Variants in ELK3 observed in about 807,000 individuals in gnomAD.
The protein encoded by ELK3 is ETS transcription factor ELK3, also known as ETS domain-containing protein Elk-3.
A neutral mutation model predicts 28.9 loss-of-function variants in ELK3; 10 were observed. The observed-to-expected ratio is 0.35, with a 90% CI of 0.21 to 0.59. The LOEUF (loss-of-function observed/expected upper bound fraction) is 0.59, where lower values mean the gene tolerates loss of function less well. ELK3 is among the 20% of genes least tolerant of loss of function. ELK3 has a pLI of 0.82. For missense variants in ELK3, 463 were observed against 517.3 expected (o/e 0.90, Z 1.02); for synonymous variants, 272 against 243.5 (o/e 1.12, Z -1.09).
At chr12:96,243,712 C>T (rs564357789) in intron 2 of ELK3, among the ~76,000 whole-genome samples, 2 of 152,012 alleles carry the variant, frequency 1.3e-5, no homozygotes, top group African/African-American at 2.4e-5. Context: ...GGCATGGTGG[C>T]GGGCGCCTGT....
intron 1 of ELK3, among the ~76,000 whole-genome samples, chr12:96,209,103 T>A (rs907230220): frequency 8.5e-5 from 13 of 152,216 alleles, no homozygotes; most frequent in African/African-American, 2.9e-4. Context: ...GTGCAGCGTG[T>A]GTGCACACGT....
chr12:96,234,435 T>C (rs1327133730), intron 2 of ELK3, among the ~76,000 whole-genome samples: 1 of 152,162 alleles, frequency 6.6e-6, no homozygotes, highest in Non-Finnish European at 1.5e-5. Context: ...CAGGAAAATT[T>C]AGTGGTTGTG....
intron 3 of ELK3, among the ~76,000 whole-genome samples, chr12:96,257,994 G>C (rs1951964243): frequency 6.6e-6 from 1 of 152,216 alleles, no homozygotes; most frequent in East Asian, 1.9e-4. Context: ...CTATATGCCA[G>C]GCACATATCT....
rs116021338 is a variant in ELK3 at position 96,205,521 on chromosome 12, C to T, written c.-3+10816C>T. Among the ~76,000 whole-genome samples the T allele has an allele frequency of 8.5e-3, 1,296 of 152,182 alleles. 15 individuals are homozygous for T. The highest frequency in any genetic ancestry group is 0.03 in the African/African-American group (1,242 of 41,512). On this transcript the variant is annotated intron_variant, in intron 1 of 4. Coordinates refer to ENST00000228741, the MANE Select transcript of ELK3 (RefSeq NM_005230.4). ...CAGCATCTTGCTCTGTCACCCAGGCCGGAGTGCAGTGGCACAATCATAGCT... is the reference window on the plus strand; with the variant it reads ...CAGCATCTTGCTCTGTCACCCAGGCTGGAGTGCAGTGGCACAATCATAGCT...
intron 2 of ELK3, among the ~76,000 whole-genome samples, chr12:96,227,835 A>G (rs1328678177): frequency 6.6e-6 from 1 of 152,106 alleles, no homozygotes; most frequent in Non-Finnish European, 1.5e-5. Context: ...CCTTTTCTGT[A>G]AAGTGGGTAT....
At chr12:96,221,631 T>G (rs1951662760) in intron 1 of ELK3, among the ~76,000 whole-genome samples, 1 of 152,176 alleles carries the variant, frequency 6.6e-6, no homozygotes, top group African/African-American at 2.4e-5. Flanking sequence ...AGAAGAAAGT[T>G]GTGGCTCATA....
At position 96,269,426 on chromosome 12, in the gene ELK3, C is replaced by T. The variant is rs1174219516; in HGVS notation, c.*2246C>T. The stretch of plus-strand genomic sequence containing the variant: ...CTGATTCTTTCTTTTCCTTTGGAAA[C>T]TGGGATTAATGTATGCTCTAGATCC... On this transcript the variant is annotated 3_prime_UTR_variant, in exon 5 of 5. Transcript: ENST00000228741. 1 of 152,150 alleles carries T rather than the reference C, an allele frequency of 6.6e-6. No homozygotes were observed. Among genetic ancestry groups the T allele is most frequent in the Non-Finnish European group, 1.5e-5 (1 of 68,020 alleles). The allele number at this position is 152,150 out of a possible 1,614,324, so 9.4% of individuals were successfully genotyped here.
intron 2 of ELK3, among the ~76,000 whole-genome samples, chr12:96,246,220 TC>T (rs1205791547): frequency 2.0e-5 from 3 of 152,158 alleles, no homozygotes; most frequent in Admixed American, 2.0e-4. Flanking sequence ...CCACTTCACT[TC>T]CTAGCAGGTG....
At chr12:96,210,561 G>GCACACACACA (rs368183390) in intron 1 of ELK3, among the ~76,000 whole-genome samples, 6,764 of 144,618 alleles carry the variant, frequency 0.047, 161 homozygotes, top group East Asian at 0.12. Context: ...GCGCGCGGGC[G>GCACACACACA]CACGCACACA....
chr12:96,232,513 G>A (rs1951749196), intron 2 of ELK3, among the ~76,000 whole-genome samples: 1 of 151,778 alleles, frequency 6.6e-6, no homozygotes, highest in Non-Finnish European at 1.5e-5. Context: ...GGAGATTGCA[G>A]TGGGCCGAGA....
intron 3 of ELK3, among the ~76,000 whole-genome samples, chr12:96,253,687 TTCTC>T (rs1333039694): frequency 1.3e-5 from 2 of 152,256 alleles, no homozygotes; most frequent in Non-Finnish European, 2.9e-5. Flanking sequence ...GACATCTTGT[TTCTC>T]TCTCCTTTAC....
chr12:96,195,710 A>G (rs1269354308), intron 1 of ELK3, among the ~76,000 whole-genome samples: 3 of 152,162 alleles, frequency 2.0e-5, no homozygotes, highest in African/African-American at 4.8e-5. Flanking sequence ...TGGAAACGGC[A>G]AGACTAATTG....
At chr12:96,204,719 A>G (rs1175956933) in intron 1 of ELK3, among the ~76,000 whole-genome samples, 1 of 152,232 alleles carries the variant, frequency 6.6e-6, no homozygotes, top group African/African-American at 2.4e-5. Context: ...TCATCCTCAG[A>G]GTTAATGATC....
chr12:96,217,882 G>T lies in ELK3; in HGVS notation c.-2-5683G>T, dbSNP rs558107371. On this transcript the variant is annotated intron_variant, in intron 1 of 4. Transcript: ENST00000228741. ...GAACCCGGGAGGCAGAGGTTGCAGTGAGCCGAGATCGCACCACTGCACTCC... is the reference window on the plus strand; with the variant it reads ...GAACCCGGGAGGCAGAGGTTGCAGTTAGCCGAGATCGCACCACTGCACTCC... Among the ~76,000 whole-genome samples, 551 of 143,528 alleles carry T rather than the reference G, an allele frequency of 3.8e-3. 6 individuals carry two copies. Among genetic ancestry groups the T allele is most frequent in the African/African-American group, 0.013 (508 of 38,562 alleles). The allele number at this position is 143,528 out of a possible 152,430, so 94.2% of individuals were successfully genotyped here. A position where few individuals can be genotyped will look rare whatever the true frequency, so the allele number is the denominator to read the frequency against.
In ELK3 at chr12:96,247,281, C is replaced by G. The variant is rs746333361; in HGVS notation, c.549C>G (p.Ile183Met). ...CCGTGGAAGAAGTCAGGACTGTGAT[C>G]AGGTTTGTGACCAATAAAACCGACA... ...SPPVEEVRTVIRFVTNKTDKH... is the reference protein window; with the variant it reads ...SPPVEEVRTVMRFVTNKTDKH... The change falls in exon 3 of 5, where the codon ATC becomes ATG. Residue 183 changes from isoleucine (I) to methionine (M), a missense_variant. Physicochemically the swap from Ile to Met is conservative, Grantham distance 10 (BLOSUM62 1). Around this residue, in one of 2 missense-constraint regions of ELK3, gnomAD observed 408 missense variants for 414.8 expected, o/e 0.98. Coordinates refer to ENST00000228741, the MANE Select transcript of ELK3 (RefSeq NM_005230.4). This position sits in a 1 kb window ranked among gnomAD's most constrained non-coding sequence, Gnocchi z 5.5. 6.2e-7 allele frequency: 1 copy of G among 1,614,250 alleles called. No individual in the cohort carries two copies.
chr12:96,225,658 A>G (rs1592678084), intron 2 of ELK3, among the ~76,000 whole-genome samples: 1 of 152,328 alleles, frequency 6.6e-6, no homozygotes, highest in Non-Finnish European at 1.5e-5. Flanking sequence ...CCAGGTGCAC[A>G]CAGCCAGTGA....
At chr12:96,211,482 T>TGTG (rs1951577513) in intron 1 of ELK3, among the ~76,000 whole-genome samples, 2 of 30,754 alleles carry the variant, frequency 6.5e-5, no homozygotes, top group East Asian at 0.05. Flanking sequence ...GATGTCATTG[T>TGTG]GTGTTTGTGT....
chr12:96,198,703 T>TA (rs1318343694), intron 1 of ELK3, among the ~76,000 whole-genome samples: 4 of 152,118 alleles, frequency 2.6e-5, no homozygotes, highest in South Asian at 4.1e-4. Flanking sequence ...AAAACTGCTA[T>TA]AAAAAAATAG....
chr12:96,203,162 T>C (rs1951517481), intron 1 of ELK3, among the ~76,000 whole-genome samples: 1 of 152,256 alleles, frequency 6.6e-6, no homozygotes, highest in African/African-American at 2.4e-5. Context: ...ATTACAGGCA[T>C]GAGCCACCAT....
Sources: allele counts gnomAD v4.1 joint callset (sites outside exome capture counted in the v4.1 genomes callset), GRCh38; gene constraint gnomAD v4.1.1; regional missense constraint gnomAD v4.1.1; non-coding constraint Gnocchi (gnomAD v3.1); transcripts MANE v1.5; gene names NCBI Gene and HGNC (gene_info 2026-07-23, HGNC 2026-07-21).